The following KCNF1 variants were observed in gnomAD, a reference collection of about 807,000 sequenced individuals.
KCNF1 encodes the protein voltage-gated potassium channel regulatory subunit KCNF1.
A neutral mutation model predicts 28.6 loss-of-function variants in KCNF1; 9 were observed. The observed-to-expected ratio is 0.31, with a 90% CI of 0.19 to 0.55. The LOEUF (loss-of-function observed/expected upper bound fraction) is 0.55. Among genes scored for constraint, KCNF1 ranks in the 20% least tolerant of loss-of-function variants. The probability of loss-of-function intolerance (pLI) is 0.93; values close to 1 mark genes in which losing one functional copy is unlikely to be tolerated. For synonymous variants in KCNF1, 328 were observed against 299.6 expected, an observed-to-expected ratio of 1.09 and a Z score of -0.98; for missense variants, 461 against 684.2, an observed-to-expected ratio of 0.67 and a Z score of 3.64.
Position 10,912,569 on chromosome 2 carries a change from G to C in KCNF1, c.143G>C (p.Arg48Pro). The C allele has an allele frequency of 6.2e-7, 1 of 1,611,620 alleles. No individual in the cohort carries two copies. ...CTCCTCAGTCAGTACCCTGAGACCC[G>C]GCTGGCGGAGCTCATCAACTGCTTG... ...GDLLSQYPET[R>P]LAELINCLAG... The change falls in exon 1 of 1, where the codon CGG (arginine) becomes CCG (proline). Residue 48 changes from arginine to proline, a missense_variant. Arg to Pro is a moderately radical substitution (Grantham distance 103). This residue lies in a region of KCNF1 where 193 missense variants were observed against 280.6 expected (regional missense o/e 0.69). Coordinates refer to ENST00000295082, the MANE Select transcript of KCNF1 (RefSeq NM_002236.5). The surrounding 1 kb of genome is among the most constrained non-coding windows in gnomAD (Gnocchi z 7.9).
At position 10,912,544 on chromosome 2, in the gene KCNF1, C is replaced by T. The variant is rs1661554244; in HGVS notation, c.118C>T (p.Leu40Phe). Residue 40 changes from leucine (L) to phenylalanine (F), a missense_variant, in exon 1 of 1, where the codon CTC (leucine) becomes TTC (phenylalanine). By Grantham distance (22) the Leu-to-Phe change is conservative (BLOSUM62 0). Coordinates refer to ENST00000295082, the MANE Select transcript of KCNF1 (RefSeq NM_002236.5). This position sits in a 1 kb window ranked among gnomAD's most constrained non-coding sequence, Gnocchi z 7.9. ...CGTGCGGCAGGTGCTGTACGGGGAC[C>T]TCCTCAGTCAGTACCCTGAGACCCG... ...GGVRQVLYGD[L>F]LSQYPETRLA... 6.2e-7 allele frequency: 1 copy of T among 1,610,610 alleles called. No individual in the cohort carries two copies. The highest frequency in any genetic ancestry group is 8.5e-7 in the Non-Finnish European group (1 of 1,178,864).
rs910842358 is a variant in KCNF1, at chr2:10,911,979, T to C, written c.-448T>C. ...TCGGGCAAAGCCAGCCCAAGTTCGCTCTCTGCACACCTCGAGCACCTCGCG... is the reference window on the plus strand; with the variant it reads ...TCGGGCAAAGCCAGCCCAAGTTCGCCCTCTGCACACCTCGAGCACCTCGCG... On this transcript the variant is annotated 5_prime_UTR_variant, in exon 1 of 1. Coordinates refer to ENST00000295082, the MANE Select transcript of KCNF1 (RefSeq NM_002236.5). 2 of 152,130 alleles carry C rather than the reference T, an allele frequency of 1.3e-5. No homozygotes were observed. The highest frequency in any genetic ancestry group is 4.8e-5 in the African/African-American group (2 of 41,438). 9.4% of individuals were successfully genotyped at this position (152,130 alleles called of 1,614,324 possible).
chr2:10,913,177 G>A lies in KCNF1; in HGVS notation c.751G>A (p.Ala251Thr). The A allele has an allele frequency of 4.3e-6, 7 of 1,613,360 alleles. No individual in the cohort carries two copies. Among genetic ancestry groups the A allele is most frequent in the Non-Finnish European group, 5.9e-6 (7 of 1,180,034 alleles). Reference protein sequence around the residue: ...LFSSPNKLHFALSFMNIVDVL... With the variant: ...LFSSPNKLHFTLSFMNIVDVL... The stretch of plus-strand genomic sequence containing the variant: ...CTCGTCACCCAACAAGCTGCACTTC[G>A]CGCTGTCCTTCATGAACATTGTGGA... Residue 251 changes from alanine (A) to threonine (T), a missense_variant, in exon 1 of 1, where the codon GCG becomes ACG. Ala to Thr is a moderately conservative substitution (Grantham distance 58). Transcript: ENST00000295082. The surrounding 1 kb of genome is among the most constrained non-coding windows in gnomAD (Gnocchi z 5.5).
At position 10,912,854 on chromosome 2, in the gene KCNF1, G is replaced by T; in HGVS notation, c.428G>T (p.Arg143Leu). The T allele has an allele frequency of 6.2e-7, 1 of 1,613,606 alleles. No homozygotes were observed. Among genetic ancestry groups the T allele is most frequent in the Non-Finnish European group, 8.5e-7 (1 of 1,179,956 alleles). ...EKREELEEIA[R>L]RVQLILDDLG... ...CGCGAGGAGCTGGAGGAGATCGCGC[G>T]CCGCGTGCAGCTCATCCTGGACGAC... Residue 143 changes from arginine (R) to leucine (L), a missense_variant, in exon 1 of 1, where the codon CGC becomes CTC. Transcript: ENST00000295082. This position sits in a 1 kb window ranked among gnomAD's most constrained non-coding sequence, Gnocchi z 7.9.
Position 10,913,889 on chromosome 2 carries a change from C to G in KCNF1, c.1463C>G (p.Thr488Ser). ...PLLTEEKHHR[T>S]RLQSCK Reference sequence around the variant, plus strand: ...CTGACCGAGGAGAAGCACCACAGGACCCGGCTCCAGAGTTGCAAGTGACAG... The same window carrying G: ...CTGACCGAGGAGAAGCACCACAGGAGCCGGCTCCAGAGTTGCAAGTGACAG... The change falls in exon 1 of 1, where the codon ACC (threonine) becomes AGC (serine). Residue 488 changes from threonine to serine, a missense_variant. Thr to Ser is a moderately conservative substitution (Grantham distance 58). Around this residue, in one of 4 missense-constraint regions of KCNF1, gnomAD observed 101 missense variants for 102.2 expected, o/e 0.99. Transcript: ENST00000295082. The surrounding 1 kb of genome is among the most constrained non-coding windows in gnomAD (Gnocchi z 5.5). The G allele has an allele frequency of 6.6e-7, 1 of 1,521,766 alleles. No homozygotes were observed. Among genetic ancestry groups the G allele is most frequent in the Non-Finnish European group, 8.8e-7 (1 of 1,137,138 alleles). 94.3% of individuals were successfully genotyped at this position (1,521,766 alleles called of 1,614,324 possible). A position where few individuals can be genotyped will look rare whatever the true frequency, so the allele number is the denominator to read the frequency against.
chr2:10,913,566 C>A lies in KCNF1; in HGVS notation c.1140C>A (p.Thr380=). 6.2e-7 allele frequency: 1 copy of A among 1,613,752 alleles called. No homozygotes were observed. Reference sequence around the variant, plus strand: ...GCTACGGCGACATCTACCCCAAGACCACGCTGGGCAAGCTCAACGCGGCCA... The same window carrying A: ...GCTACGGCGACATCTACCCCAAGACAACGCTGGGCAAGCTCAACGCGGCCA... ...TVGYGDIYPK[T]TLGKLNAAIS... is the part of the protein sequence containing the mutation. The change falls in exon 1 of 1, where the codon ACC becomes ACA. Residue 380 remains threonine (T), a synonymous_variant. Coordinates refer to ENST00000295082, the MANE Select transcript of KCNF1 (RefSeq NM_002236.5). This position sits in a 1 kb window ranked among gnomAD's most constrained non-coding sequence, Gnocchi z 5.5.
Position 10,914,140 on chromosome 2 carries a change from G to A in KCNF1, c.*229G>A, listed in dbSNP as rs976658200. Reference sequence around the variant, plus strand: ...GTGTGCAGGAGCCGCAGGGCCGTGTGGGACGAGTGGAGGCCGCGGCCTGGC... The same window carrying A: ...GTGTGCAGGAGCCGCAGGGCCGTGTAGGACGAGTGGAGGCCGCGGCCTGGC... On this transcript the variant is annotated 3_prime_UTR_variant, in exon 1 of 1. Coordinates refer to ENST00000295082, the MANE Select transcript of KCNF1 (RefSeq NM_002236.5). 8 of 477,774 alleles carry A rather than the reference G, an allele frequency of 1.7e-5. No homozygotes were observed. The highest frequency in any genetic ancestry group is 3.0e-5 in the Non-Finnish European group (8 of 270,728). The allele number at this position is 477,774 out of a possible 1,614,324, so 29.6% of individuals were successfully genotyped here.
rs1048245286 is a variant in KCNF1 at position 10,912,602 on chromosome 2, G to T, written c.176G>T (p.Gly59Val). ...LAELINCLAG[G>V]YDTIFSLCDD... is the part of the protein sequence containing the mutation. ...GAGCTCATCAACTGCTTGGCTGGGG[G>T]CTACGACACCATCTTCTCCCTGTGC... Residue 59 changes from glycine (G) to valine (V), a missense_variant, in exon 1 of 1, where the codon GGC becomes GTC. Coordinates refer to ENST00000295082, the MANE Select transcript of KCNF1 (RefSeq NM_002236.5). The surrounding 1 kb of genome is among the most constrained non-coding windows in gnomAD (Gnocchi z 7.9). The T allele has an allele frequency of 1.9e-6, 3 of 1,612,790 alleles. No homozygotes were observed. The highest frequency in any genetic ancestry group is 1.3e-5 in the African/African-American group (1 of 74,896).
In KCNF1 at chr2:10,912,442, G is replaced by C; in HGVS notation, c.16G>C (p.Glu6Gln). 5 of 1,438,742 alleles carry C rather than the reference G, an allele frequency of 3.5e-6. No individual in the cohort carries two copies. Among genetic ancestry groups the C allele is most frequent in the Non-Finnish European group, 3.6e-6 (4 of 1,096,892 alleles). The allele number at this position is 1,438,742 out of a possible 1,614,324, so 89.1% of individuals were successfully genotyped here. A position where few individuals can be genotyped will look rare whatever the true frequency, so the allele number is the denominator to read the frequency against. The change falls in exon 1 of 1, where the codon GAG becomes CAG. Residue 6 changes from glutamate (E) to glutamine (Q), a missense_variant. Physicochemically the swap from Glu to Gln is conservative, Grantham distance 29. This residue lies in a region of KCNF1 where 52 missense variants were observed against 39.8 expected (regional missense o/e 1.31). Transcript: ENST00000295082. The surrounding 1 kb of genome is among the most constrained non-coding windows in gnomAD (Gnocchi z 7.9). The part of the protein sequence containing the change: MDGSG[E>Q]RSLPEPGSQS... The stretch of plus-strand genomic sequence containing the variant: ...CGCGGGGAGGATGGACGGGTCCGGG[G>C]AGCGCAGCCTCCCGGAGCCGGGCAG...
chr2:10,913,177 G>C lies in KCNF1; in HGVS notation c.751G>C (p.Ala251Pro). ...LFSSPNKLHFALSFMNIVDVL... is the reference protein window; with the variant it reads ...LFSSPNKLHFPLSFMNIVDVL... ...CTCGTCACCCAACAAGCTGCACTTC[G>C]CGCTGTCCTTCATGAACATTGTGGA... Residue 251 changes from alanine (A) to proline (P), a missense_variant, in exon 1 of 1, where the codon GCG (alanine) becomes CCG (proline). Physicochemically the swap from Ala to Pro is conservative, Grantham distance 27. This residue lies in a region of KCNF1 where 115 missense variants were observed against 261.6 expected (regional missense o/e 0.44). Transcript: ENST00000295082. The surrounding 1 kb of genome is among the most constrained non-coding windows in gnomAD (Gnocchi z 5.5). 3 of 1,613,360 alleles carry C rather than the reference G, an allele frequency of 1.9e-6. No homozygotes were observed. The highest frequency in any genetic ancestry group is 2.5e-6 in the Non-Finnish European group (3 of 1,180,034).
In KCNF1 at chr2:10,913,571, T is replaced by C; in HGVS notation, c.1145T>C (p.Leu382Pro). Reference sequence around the variant, plus strand: ...GGCGACATCTACCCCAAGACCACGCTGGGCAAGCTCAACGCGGCCATCAGC... The same window carrying C: ...GGCGACATCTACCCCAAGACCACGCCGGGCAAGCTCAACGCGGCCATCAGC... ...GYGDIYPKTT[L>P]GKLNAAISFL... Residue 382 changes from leucine (L) to proline (P), a missense_variant, in exon 1 of 1, where the codon CTG (leucine) becomes CCG (proline). Physicochemically the swap from Leu to Pro is moderately conservative, Grantham distance 98. This residue lies in a region of KCNF1 where 115 missense variants were observed against 261.6 expected (regional missense o/e 0.44). Coordinates refer to ENST00000295082, the MANE Select transcript of KCNF1 (RefSeq NM_002236.5). This position sits in a 1 kb window ranked among gnomAD's most constrained non-coding sequence, Gnocchi z 5.5. 6.2e-7 allele frequency: 1 copy of C among 1,613,668 alleles called. No individual in the cohort carries two copies. Among genetic ancestry groups the C allele is most frequent in the Non-Finnish European group, 8.5e-7 (1 of 1,180,012 alleles).
At position 10,914,223 on chromosome 2, in the gene KCNF1, G is replaced by T; in HGVS notation, c.*312G>T. On this transcript the variant is annotated 3_prime_UTR_variant, in exon 1 of 1. Transcript: ENST00000295082. ...CCCTCAATAAAGCCTCCTGCTCTGTGCACCCTCCGTGTTGTAGGTTCTGTC... is the reference window on the plus strand; with the variant it reads ...CCCTCAATAAAGCCTCCTGCTCTGTTCACCCTCCGTGTTGTAGGTTCTGTC... 1 of 281,064 alleles carries T rather than the reference G, an allele frequency of 3.6e-6. No homozygotes were observed. Among genetic ancestry groups the T allele is most frequent in the Non-Finnish European group, 6.8e-6 (1 of 147,074 alleles). The allele number at this position is 281,064 out of a possible 1,614,324, so 17.4% of individuals were successfully genotyped here. A position where few individuals can be genotyped will look rare whatever the true frequency, so the allele number is the denominator to read the frequency against.
chr2:10,913,749 G>A lies in KCNF1; in HGVS notation c.1323G>A (p.Lys441=), dbSNP rs369851909. The change falls in exon 1 of 1, where the codon AAG becomes AAA. Residue 441 remains lysine, a synonymous_variant. Transcript: ENST00000295082. The surrounding 1 kb of genome is among the most constrained non-coding windows in gnomAD (Gnocchi z 5.5). ...ELNSSSGGEG[K]TGGSRSDLDN... Reference sequence around the variant, plus strand: ...ACTCCAGCAGCGGGGGCGAGGGCAAGACCGGGGGCTCCCGCAGTGACCTGG... The same window carrying A: ...ACTCCAGCAGCGGGGGCGAGGGCAAAACCGGGGGCTCCCGCAGTGACCTGG... The A allele has an allele frequency of 6.2e-7, 1 of 1,612,926 alleles. No homozygotes were observed. Among genetic ancestry groups the A allele is most frequent in the Admixed American group, 1.7e-5 (1 of 59,936 alleles).
Position 10,912,338 on chromosome 2 carries a change from C to T in KCNF1, c.-89C>T, listed in dbSNP as rs1661548961. 17 of 1,057,038 alleles carry T rather than the reference C, an allele frequency of 1.6e-5. No individual in the cohort carries two copies. Among genetic ancestry groups the T allele is most frequent in the Non-Finnish European group, 2.0e-5 (17 of 840,110 alleles). The allele number at this position is 1,057,038 out of a possible 1,614,324, so 65.5% of individuals were successfully genotyped here. ...CCAGGCTCTCCCCGAGATCAGCGCA[C>T]GGGTGGCACCCGCCGGACCCCCAGC... On this transcript the variant is annotated 5_prime_UTR_variant, in exon 1 of 1. In the 5' UTR this introduces an upstream ATG that the reference lacks. Transcript: ENST00000295082. The surrounding 1 kb of genome is among the most constrained non-coding windows in gnomAD (Gnocchi z 7.9).
chr2:10,912,349 C>G lies in KCNF1; in HGVS notation c.-78C>G. On this transcript the variant is annotated 5_prime_UTR_variant, in exon 1 of 1. Transcript: ENST00000295082. The surrounding 1 kb of genome is among the most constrained non-coding windows in gnomAD (Gnocchi z 7.9). ...CCGAGATCAGCGCACGGGTGGCACC[C>G]GCCGGACCCCCAGCGGCAGCGGCGG... 1.8e-6 allele frequency: 2 copies of G among 1,137,330 alleles called. No homozygotes were observed. Among genetic ancestry groups the G allele is most frequent in the Non-Finnish European group, 1.1e-6 (1 of 910,776 alleles). 70.5% of individuals were successfully genotyped at this position (1,137,330 alleles called of 1,614,324 possible). A position where few individuals can be genotyped will look rare whatever the true frequency, so the allele number is the denominator to read the frequency against.
At position 10,912,088 on chromosome 2, in the gene KCNF1, G is replaced by C. The variant is rs1311306496; in HGVS notation, c.-339G>C. On this transcript the variant is annotated 5_prime_UTR_variant, in exon 1 of 1. Transcript: ENST00000295082. The surrounding 1 kb of genome is among the most constrained non-coding windows in gnomAD (Gnocchi z 7.9). ...GAGGACGGTGCCAGCCGCCCACGAG[G>C]AGACCCCGCTCCCGCAGGAGGCCGA... 6.6e-6 allele frequency: 1 copy of C among 151,694 alleles called. No homozygotes were observed. The highest frequency in any genetic ancestry group is 1.5e-5 in the Non-Finnish European group (1 of 67,874). 9.4% of individuals were successfully genotyped at this position (151,694 alleles called of 1,614,324 possible). A position where few individuals can be genotyped will look rare whatever the true frequency, so the allele number is the denominator to read the frequency against.
chr2:10,912,367 A>AGCG lies in KCNF1; in HGVS notation c.-48_-46dup. 1 of 1,184,126 alleles carries AGCG rather than the reference A, an allele frequency of 8.4e-7. No individual in the cohort carries two copies. The highest frequency in any genetic ancestry group is 1.1e-6 in the Non-Finnish European group (1 of 950,330). The allele number at this position is 1,184,126 out of a possible 1,614,324, so 73.4% of individuals were successfully genotyped here. A position where few individuals can be genotyped will look rare whatever the true frequency, so the allele number is the denominator to read the frequency against. ...TGGCACCCGCCGGACCCCCAGCGGCAGCGGCGGCGGCGGCTGCAGGGGGCG... is the reference window on the plus strand; with the variant it reads ...TGGCACCCGCCGGACCCCCAGCGGCAGCGGCGGCGGCGGCGGCTGCAGGGGGCG... On this transcript the variant is annotated 5_prime_UTR_variant, in exon 1 of 1. Coordinates refer to ENST00000295082, the MANE Select transcript of KCNF1 (RefSeq NM_002236.5). This position sits in a 1 kb window ranked among gnomAD's most constrained non-coding sequence, Gnocchi z 7.9.
chr2:10,913,179 G>T lies in KCNF1; in HGVS notation c.753G>T (p.Ala251=), dbSNP rs1037277372. The change falls in exon 1 of 1, where the codon GCG becomes GCT. Residue 251 remains alanine, a synonymous_variant. Transcript: ENST00000295082. The surrounding 1 kb of genome is among the most constrained non-coding windows in gnomAD (Gnocchi z 5.5). ...LFSSPNKLHF[A]LSFMNIVDVL... ...CGTCACCCAACAAGCTGCACTTCGC[G>T]CTGTCCTTCATGAACATTGTGGACG... 9 of 1,613,232 alleles carry T rather than the reference G, an allele frequency of 5.6e-6. No homozygotes were observed. The highest frequency in any genetic ancestry group is 5.3e-5 in the African/African-American group (4 of 74,958).
Position 10,914,067 on chromosome 2 carries a change from G to A in KCNF1, c.*156G>A. On this transcript the variant is annotated 3_prime_UTR_variant, in exon 1 of 1. Coordinates refer to ENST00000295082, the MANE Select transcript of KCNF1 (RefSeq NM_002236.5). ...CTCCCGGCACCTCTGCCAAGGCTGG[G>A]TAAGACTCCTCTATGTTGCCTGCTG... 1 of 826,336 alleles carries A rather than the reference G, an allele frequency of 1.2e-6. No homozygotes were observed. The highest frequency in any genetic ancestry group is 1.8e-6 in the Non-Finnish European group (1 of 558,062). The allele number at this position is 826,336 out of a possible 1,614,324, so 51.2% of individuals were successfully genotyped here.
Sources: allele counts gnomAD v4.1 joint callset, GRCh38; gene constraint gnomAD v4.1.1; regional missense constraint gnomAD v4.1.1; non-coding constraint Gnocchi (gnomAD v3.1); transcripts MANE v1.5; gene names NCBI Gene and HGNC (gene_info 2026-07-23, HGNC 2026-07-21).